GABPB1: variants seen among roughly 807,000 people sequenced by gnomAD.
GABPB1 encodes the protein GA binding protein transcription factor subunit beta 1.
A neutral mutation model predicts 45.9 loss-of-function variants in GABPB1; 15 were observed. The observed-to-expected ratio is 0.33, with a 90% CI of 0.22 to 0.50. GABPB1 has a LOEUF of 0.50. Ranked by LOEUF, GABPB1 falls within the 20% of genes least tolerant of loss-of-function variation. The probability of loss-of-function intolerance (pLI) is 0.98; values close to 1 mark genes in which losing one functional copy is unlikely to be tolerated. For synonymous variants in GABPB1, 143 were observed against 154.4 expected (o/e 0.93, Z 0.55); for missense variants, 252 against 457.5 (o/e 0.55, Z 4.10).
At chr15:50,335,629 T>C (rs1215253859) in intron 1 of GABPB1, among the ~76,000 whole-genome samples, 1 of 152,140 alleles carries the variant, frequency 6.6e-6, no homozygotes, top group East Asian at 1.9e-4. Flanking sequence ...CCGGGTGCAG[T>C]GGCTCACACC....
intron 1 of GABPB1, among the ~76,000 whole-genome samples, chr15:50,339,605 A>G (rs1173527126): frequency 6.6e-6 from 1 of 152,132 alleles, no homozygotes; most frequent in Admixed American, 6.6e-5. Context: ...CTCTATCTAC[A>G]TTCTATCTGT....
At chr15:50,320,743 T>C (rs2617239) in intron 1 of GABPB1, among the ~76,000 whole-genome samples, 3 of 152,042 alleles carry the variant, frequency 2.0e-5, no homozygotes, top group East Asian at 3.9e-4. Flanking sequence ...AGGATCAGAA[T>C]AGGAGATGTG....
chr15:50,300,976 T>A, intron 5 of GABPB1, 74 bp from the exon 6 acceptor site: 1 of 941,054 alleles, frequency 1.1e-6, no homozygotes, highest in South Asian at 1.4e-5. Context: ...ATTCTATTTA[T>A]CTTACTGACT....
chr15:50,306,017 C>T (rs2046937011), intron 2 of GABPB1, among the ~76,000 whole-genome samples: 1 of 152,002 alleles, frequency 6.6e-6, no homozygotes, highest in Non-Finnish European at 1.5e-5. Context: ...CTCTGTCGCC[C>T]AGGCTAGAAT....
At chr15:50,281,293 C>T (rs1292932363) in intron 8 of GABPB1, among the ~76,000 whole-genome samples, 1 of 152,172 alleles carries the variant, frequency 6.6e-6, no homozygotes, top group Non-Finnish European at 1.5e-5. Context: ...CTCACTGCAA[C>T]CTCCACCTCC....
rs145751312 is a variant in GABPB1, at chr15:50,299,014, C to G, written c.697+1775G>C. ...GAGAAAAGAAAAAGGTAGCATTCCC[C>G]CAACTCCTCCAAGTCAAGAATATTA... On this transcript the variant is annotated intron_variant, in intron 6 of 8. Coordinates refer to ENST00000380877, the MANE Select transcript of GABPB1 (RefSeq NM_016654.5). Among the ~76,000 whole-genome samples, 635 of 151,672 alleles carry G rather than the reference C, an allele frequency of 4.2e-3. 4 individuals are homozygous for G. Among genetic ancestry groups the G allele is most frequent in the African/African-American group, 0.014 (599 of 41,396 alleles).
intron 1 of GABPB1, among the ~76,000 whole-genome samples, chr15:50,336,108 T>C (rs1042168639): frequency 5.3e-5 from 8 of 151,302 alleles, no homozygotes; most frequent in Non-Finnish European, 8.8e-5. Context: ...CCCAGCACTT[T>C]GGGAGGCCAA....
Position 50,300,882 on chromosome 15 carries a change from C to G in GABPB1, c.604G>C (p.Val202Leu), listed in dbSNP as rs147105901. 4.8e-5 allele frequency: 77 copies of G among 1,605,522 alleles called. No individual in the cohort carries two copies. Among genetic ancestry groups the G allele is most frequent in the Non-Finnish European group, 6.4e-5 (75 of 1,172,588 alleles). ...GATGTAGAAGAGTTTCCAAACTGAA[C>G]AGCAGATACACCCGTTTCATCTGTA... The part of the protein sequence containing the change: ...NLTDETGVSA[V>L]QFGNSSTSVL... The change falls in exon 6 of 9, where the codon GTT (valine) becomes CTT (leucine). Residue 202 changes from valine (V) to leucine (L), a missense_variant. By Grantham distance (32) the Val-to-Leu change is conservative (BLOSUM62 1). Coordinates refer to ENST00000380877, the MANE Select transcript of GABPB1 (RefSeq NM_016654.5).
At chr15:50,296,632 A>G (rs181720532) in intron 6 of GABPB1, among the ~76,000 whole-genome samples, 9 of 152,314 alleles carry the variant, frequency 5.9e-5, no homozygotes, top group Admixed American at 5.2e-4. Flanking sequence ...CTTTGATAAA[A>G]TTATTCAACC....
intron 6 of GABPB1, among the ~76,000 whole-genome samples, chr15:50,298,143 G>A (rs1210429176): frequency 1.3e-5 from 2 of 152,148 alleles, no homozygotes; most frequent in East Asian, 3.9e-4. Context: ...CCACGCTGGA[G>A]TATAGTGGCG....
At chr15:50,309,650 G>C (rs569531312) in intron 2 of GABPB1, 41 bp downstream of exon 2, 1 of 1,237,462 alleles carries the variant, frequency 8.1e-7, no homozygotes, top group Admixed American at 1.8e-5. Flanking sequence ...ACTCAAAAAT[G>C]AGAAGGAAAA....
At chr15:50,330,361 A>G (rs2047907200) in intron 1 of GABPB1, among the ~76,000 whole-genome samples, 2 of 152,044 alleles carry the variant, frequency 1.3e-5, no homozygotes, top group African/African-American at 4.8e-5. Flanking sequence ...TGAAAATACC[A>G]TTGTATACTT....
chr15:50,307,633 C>T (rs958897193), intron 2 of GABPB1, among the ~76,000 whole-genome samples: 11 of 148,320 alleles, frequency 7.4e-5, no homozygotes, highest in South Asian at 4.2e-4. Context: ...ACCCGGCAGG[C>T]GGAGGTTGCA....
chr15:50,346,934 C>A (rs1282521831), intron 1 of GABPB1, among the ~76,000 whole-genome samples: 1 of 151,810 alleles, frequency 6.6e-6, no homozygotes, highest in Non-Finnish European at 1.5e-5. Flanking sequence ...GGATTACAGG[C>A]ACCTGCCACT....
chr15:50,292,229 G>C (rs1010496523), intron 6 of GABPB1, among the ~76,000 whole-genome samples: 2 of 149,010 alleles, frequency 1.3e-5, no homozygotes, highest in African/African-American at 4.9e-5. Flanking sequence ...CAGGAGAACG[G>C]TGTGAACCCG....
At chr15:50,336,632 A>T (rs909029944) in intron 1 of GABPB1, among the ~76,000 whole-genome samples, 1 of 151,616 alleles carries the variant, frequency 6.6e-6, no homozygotes, top group Admixed American at 6.6e-5. Context: ...GCAGTGAGCC[A>T]TGTTCATGCC....
At chr15:50,334,272 C>T (rs2048041939) in intron 1 of GABPB1, among the ~76,000 whole-genome samples, 1 of 151,878 alleles carries the variant, frequency 6.6e-6, no homozygotes, top group African/African-American at 2.4e-5. Flanking sequence ...ATGTCCCATT[C>T]TCTCTTCCTT....
chr15:50,294,406 C>T (rs1441444099), intron 6 of GABPB1, among the ~76,000 whole-genome samples: 3 of 152,046 alleles, frequency 2.0e-5, no homozygotes, highest in Non-Finnish European at 2.9e-5. Flanking sequence ...CCCAGCTACT[C>T]AGGAGGCTGA....
At chr15:50,318,317 G>C (rs1280866806) in intron 1 of GABPB1, among the ~76,000 whole-genome samples, 1 of 152,170 alleles carries the variant, frequency 6.6e-6, no homozygotes, top group Admixed American at 6.5e-5. Flanking sequence ...TTTAAGTTTA[G>C]TGTCTCCCAG....
Sources: allele counts gnomAD v4.1 joint callset (sites outside exome capture counted in the v4.1 genomes callset), GRCh38; gene constraint gnomAD v4.1.1; transcripts MANE v1.5; gene names NCBI Gene and HGNC (gene_info 2026-07-23, HGNC 2026-07-21).